The following VRK3 variants were observed in gnomAD, a reference collection of about 807,000 sequenced individuals.
The protein encoded by VRK3 is serine/threonine-protein kinase VRK3.
In VRK3, 50 loss-of-function variants were observed where a neutral mutation model predicts 60.4. The ratio of observed to expected loss-of-function variants is 0.83; its 90% CI spans 0.66 to 1.05. VRK3 has a LOEUF of 1.05. VRK3 is among the 50% of genes least tolerant of loss of function. The probability of loss-of-function intolerance (pLI) is 0.00; values close to 1 mark genes in which losing one functional copy is unlikely to be tolerated. For missense variants in VRK3, 549 were observed against 585.3 expected, an observed-to-expected ratio of 0.94 and a Z score of 0.64; for synonymous variants, 246 against 227.8, an observed-to-expected ratio of 1.08 and a Z score of -0.72.
intron 5 of VRK3, among the ~76,000 whole-genome samples, chr19:50,003,188 C>T (rs1389183656): frequency 6.6e-6 from 1 of 152,200 alleles, no homozygotes; most frequent in African/African-American, 2.4e-5. Flanking sequence ...CCTTCCACCT[C>T]CCCAGGCCCT....
At chr19:50,009,447 G>A in intron 3 of VRK3, 62 bp from the exon 4 acceptor site, 1 of 1,590,762 alleles carries the variant, frequency 6.3e-7, no homozygotes, top group South Asian at 1.1e-5. Context: ...GGCACCATTG[G>A]ACTGGGAGCC....
At chr19:49,983,039 C>T (rs940703454) in intron 12 of VRK3, among the ~76,000 whole-genome samples, 1 of 152,144 alleles carries the variant, frequency 6.6e-6, no homozygotes, top group African/African-American at 2.4e-5. Flanking sequence ...AACCTTTCTC[C>T]CTGGACCTCA....
intron 11 of VRK3, among the ~76,000 whole-genome samples, chr19:49,989,191 T>C (rs2076568274): frequency 6.6e-6 from 1 of 152,120 alleles, no homozygotes; most frequent in South Asian, 2.1e-4. Context: ...TCAAGAAATC[T>C]GCCCTGGGCC....
intron 9 of VRK3, among the ~76,000 whole-genome samples, chr19:49,993,187 T>C (rs10423200): frequency 0.052 from 7,989 of 152,292 alleles, 692 homozygotes; most frequent in African/African-American, 0.18. Context: ...CGTGGCTTCC[T>C]ATCTACTCCT....
At chr19:50,001,075 C>A in intron 5 of VRK3, 1 of 513,272 alleles carries the variant, frequency 1.9e-6, no homozygotes, top group Non-Finnish European at 3.5e-6. Flanking sequence ...GCTAATGCAG[C>A]AGGCCTGAGA....
chr19:49,992,251 T>C (rs546924546), intron 10 of VRK3, among the ~76,000 whole-genome samples: 25 of 152,202 alleles, frequency 1.6e-4, no homozygotes, highest in African/African-American at 5.1e-4. Flanking sequence ...CTACTAAAAA[T>C]ACAAAATTAG....
At chr19:49,990,834 G>C (rs2076598539) in intron 10 of VRK3, among the ~76,000 whole-genome samples, 1 of 151,780 alleles carries the variant, frequency 6.6e-6, no homozygotes, top group Non-Finnish European at 1.5e-5. Context: ...ACGCAGGTTG[G>C]AGTGCAGTGG....
intron 10 of VRK3, among the ~76,000 whole-genome samples, chr19:49,992,381 G>C (rs2076626887): frequency 6.6e-6 from 1 of 152,172 alleles, no homozygotes; most frequent in Non-Finnish European, 1.5e-5. Flanking sequence ...TCCAGCCTGG[G>C]CAACAAGAGT....
intron 11 of VRK3, 152 bp from the exon 12 acceptor site, chr19:49,988,644 C>T (rs1474146893): frequency 3.7e-5 from 40 of 1,082,740 alleles, no homozygotes; most frequent in Non-Finnish European, 4.8e-5. Flanking sequence ...TCCGCTCATT[C>T]ACTTTCATGA....
intron 3 of VRK3, among the ~76,000 whole-genome samples, chr19:50,011,376 G>A (rs1362735863): frequency 1.3e-5 from 2 of 152,132 alleles, no homozygotes; most frequent in East Asian, 3.8e-4. Flanking sequence ...CTGCCATATT[G>A]CTAAAAACAA....
In VRK3 at chr19:49,988,474, T is replaced by C. The variant is rs753150894; in HGVS notation, c.1115A>G (p.Asp372Gly). Reference sequence around the variant, plus strand: ...CATGCAGTAGCCCAGGCTCTGGAGGTCGCTGCGGCGGGAGGGCCCTGGGGA... The same window carrying C: ...CATGCAGTAGCCCAGGCTCTGGAGGCCGCTGCGGCGGGAGGGCCCTGGGGA... ...HKGCGPSRRS[D>G]LQSLGYCMLK... The change falls in exon 12 of 15, where the codon GAC (aspartate) becomes GGC (glycine). Residue 372 changes from aspartate (D) to glycine (G), a missense_variant. By Grantham distance (94) the Asp-to-Gly change is moderately conservative. Transcript: ENST00000316763. The C allele has an allele frequency of 6.2e-7, 1 of 1,613,370 alleles. No individual in the cohort carries two copies. Among genetic ancestry groups the C allele is most frequent in the African/African-American group, 1.3e-5 (1 of 74,982 alleles).
chr19:50,003,196 C>T (rs73055311), intron 5 of VRK3, among the ~76,000 whole-genome samples: 11,655 of 152,230 alleles, frequency 0.077, 592 homozygotes, highest in Non-Finnish European at 0.12. Flanking sequence ...CTCCCCAGGC[C>T]CTGCTGGGGA....
chr19:49,997,239 C>G (rs1022131144), intron 7 of VRK3: 91 of 322,596 alleles, frequency 2.8e-4, no homozygotes, highest in Non-Finnish European at 2.1e-4. Flanking sequence ...CCCACCTCAG[C>G]CTCCCAAAGT....
At chr19:50,014,786 C>T (rs1156616920) in intron 3 of VRK3, among the ~76,000 whole-genome samples, 1 of 152,002 alleles carries the variant, frequency 6.6e-6, no homozygotes, top group African/African-American at 2.4e-5. Flanking sequence ...GGGACCTGGT[C>T]CCTTCACCTC....
rs781524283 is a variant in VRK3, at chr19:50,007,839, G to T, written c.290-13C>A. 3 of 1,613,954 alleles carry T rather than the reference G, an allele frequency of 1.9e-6. No individual in the cohort carries two copies. The highest frequency in any genetic ancestry group is 1.7e-5 in the Admixed American group (1 of 59,972). ...CTGCTCCCGGAGCCTGCAGGAGGAT[G>T]TAAGAATAAAGTAAAAGCACCATCC... On this transcript the variant is annotated splice_polypyrimidine_tract_variant and intron_variant, in intron 4 of 14. Transcript: ENST00000316763.
At chr19:49,994,117 A>G (rs2076659352) in intron 9 of VRK3, among the ~76,000 whole-genome samples, 1 of 152,188 alleles carries the variant, frequency 6.6e-6, no homozygotes, top group African/African-American at 2.4e-5. Flanking sequence ...CTGAACATAA[A>G]GACCTTAGGA....
chr19:50,019,114 G>GA (rs2077122312), intron 2 of VRK3: 1 of 141,570 alleles, frequency 7.1e-6, no homozygotes, highest in East Asian at 2.1e-4. Flanking sequence ...GCAGTGAGCC[G>GA]AGATAGCACC....
At chr19:50,024,321 C>A (rs2077226545) in intron 1 of VRK3, among the ~76,000 whole-genome samples, 1 of 152,308 alleles carries the variant, frequency 6.6e-6, no homozygotes, top group South Asian at 2.1e-4. Flanking sequence ...ATGATTTGCA[C>A]AACAAAATCT....
At chr19:49,984,239 C>G (rs889358464) in intron 12 of VRK3, among the ~76,000 whole-genome samples, 1 of 152,204 alleles carries the variant, frequency 6.6e-6, no homozygotes, top group African/African-American at 2.4e-5. Flanking sequence ...TGGGCTGATT[C>G]TAACCTGGGT....
Sources: allele counts gnomAD v4.1 joint callset (sites outside exome capture counted in the v4.1 genomes callset), GRCh38; gene constraint gnomAD v4.1.1; transcripts MANE v1.5; gene names NCBI Gene and HGNC (gene_info 2026-07-23, HGNC 2026-07-21).